SCMH1: variants seen among roughly 807,000 people sequenced by gnomAD.
The protein encoded by SCMH1 is Scm polycomb group protein homolog 1.
SCMH1 carries 37 observed loss-of-function variants against 70.8 expected under a neutral mutation model. That is an observed-to-expected ratio of 0.52 (90% CI 0.40 to 0.69). The LOEUF (loss-of-function observed/expected upper bound fraction) is 0.69. Among genes scored for constraint, SCMH1 ranks in the 30% least tolerant of loss-of-function variants. The pLI, the probability that SCMH1 is intolerant of heterozygous loss-of-function variation, is 0.00. For missense variants in SCMH1, 607 were observed against 827.3 expected (o/e 0.73, Z 3.27); for synonymous variants, 292 against 307.4 (o/e 0.95, Z 0.52).
intron 2 of SCMH1, among the ~76,000 whole-genome samples, chr1:41,163,680 A>G (rs1646224231): frequency 6.6e-6 from 1 of 152,158 alleles, no homozygotes; most frequent in South Asian, 2.1e-4. Flanking sequence ...AGAAGAAAGA[A>G]ATCAACCTTG....
chr1:41,175,699 T>A (rs1647071138), intron 2 of SCMH1, among the ~76,000 whole-genome samples: 1 of 152,168 alleles, frequency 6.6e-6, no homozygotes, highest in Admixed American at 6.5e-5. Context: ...CACCTCTCTA[T>A]CTTATGTGTT....
At chr1:41,208,918 CA>C (rs1323563873) in intron 1 of SCMH1, among the ~76,000 whole-genome samples, 6 of 151,896 alleles carry the variant, frequency 4.0e-5, no homozygotes, top group Non-Finnish European at 8.8e-5. Flanking sequence ...AAAAACCCTT[CA>C]AAAAAATCAA....
chr1:41,111,485 G>A (rs7522684), intron 8 of SCMH1, among the ~76,000 whole-genome samples: 5 of 152,240 alleles, frequency 3.3e-5, no homozygotes, highest in East Asian at 1.9e-4. Context: ...GATTACAGGC[G>A]TGTTACCACC....
chr1:41,152,074 G>A (rs747377217), intron 4 of SCMH1, among the ~76,000 whole-genome samples: 9 of 152,166 alleles, frequency 5.9e-5, no homozygotes, highest in Non-Finnish European at 4.4e-5. Context: ...GTCCCTCACC[G>A]CTGTCAAGTG....
At chr1:41,035,590 A>G (rs1354718648) in intron 13 of SCMH1, among the ~76,000 whole-genome samples, 1 of 152,062 alleles carries the variant, frequency 6.6e-6, no homozygotes, top group Non-Finnish European at 1.5e-5. Context: ...CTCCTCTCTC[A>G]GAGAAAGTGT....
intron 1 of SCMH1, among the ~76,000 whole-genome samples, chr1:41,215,903 A>G (rs1299279509): frequency 6.6e-6 from 1 of 152,204 alleles, no homozygotes; most frequent in Non-Finnish European, 1.5e-5. Flanking sequence ...TATACTCAGA[A>G]AGTACACAAA....
chr1:41,223,931 A>G (rs1380373382), intron 1 of SCMH1, among the ~76,000 whole-genome samples: 1 of 152,148 alleles, frequency 6.6e-6, no homozygotes. Context: ...ACAGAATGAC[A>G]TTTAAACTCC....
rs187731642 is a variant in SCMH1, at chr1:41,163,811, C to T, written c.14-2379G>A. 1.8e-3 allele frequency among the ~76,000 whole-genome samples: 275 copies of T among 152,058 alleles called. 4 individuals are homozygous for T. Among genetic ancestry groups the T allele is most frequent in the Middle Eastern group, 0.014 (4 of 294 alleles). ...GCAGCCCTGGAAACTTAGACAACTG[C>T]GGAAATTATCATTAGAAAAAAACAT... is the stretch of plus-strand genomic sequence containing the variant. On this transcript the variant is annotated intron_variant, in intron 2 of 14. Coordinates refer to ENST00000337495, the Ensembl canonical transcript of SCMH1.
intron 13 of SCMH1, among the ~76,000 whole-genome samples, chr1:41,029,381 G>T (rs1317678759): frequency 1.3e-5 from 2 of 152,162 alleles, no homozygotes; most frequent in African/African-American, 4.8e-5. Flanking sequence ...TGTATTATTA[G>T]TAGAGACGGG....
intron 2 of SCMH1, among the ~76,000 whole-genome samples, chr1:41,177,845 T>C (rs1419315130): frequency 6.6e-6 from 1 of 152,120 alleles, no homozygotes; most frequent in Non-Finnish European, 1.5e-5. Context: ...ACTTCCCCAA[T>C]TAGCAAGGCA....
chr1:41,083,431 C>A (rs916518517), intron 8 of SCMH1, among the ~76,000 whole-genome samples: 4 of 152,100 alleles, frequency 2.6e-5, no homozygotes, highest in African/African-American at 9.7e-5. Context: ...AAGTGAAGGA[C>A]CTCTTCAAGG....
intron 8 of SCMH1, among the ~76,000 whole-genome samples, chr1:41,107,317 A>G (rs946747001): frequency 6.6e-6 from 1 of 151,898 alleles, no homozygotes; most frequent in African/African-American, 2.4e-5. Context: ...ATATGTTCAC[A>G]AAACTGTAAA....
chr1:41,062,530 A>T (rs2148817834), intron 10 of SCMH1, among the ~76,000 whole-genome samples: 1 of 152,124 alleles, frequency 6.6e-6, no homozygotes, highest in East Asian at 1.9e-4. Flanking sequence ...TCATGAGGTC[A>T]GGAATTCGAG....
intron 13 of SCMH1, among the ~76,000 whole-genome samples, chr1:41,036,333 T>C (rs1337426310): frequency 6.6e-6 from 1 of 152,164 alleles, no homozygotes; most frequent in African/African-American, 2.4e-5. Flanking sequence ...GTGGGTTCCC[T>C]CTCTCAGTGG....
chr1:41,213,901 A>C (rs1173008951), intron 1 of SCMH1, among the ~76,000 whole-genome samples: 1 of 150,832 alleles, frequency 6.6e-6, no homozygotes, highest in Non-Finnish European at 1.5e-5. Flanking sequence ...TTTAAAAAAA[A>C]CCTTTAAATT....
At chr1:41,173,302 A>G (rs1238267488) in intron 2 of SCMH1, among the ~76,000 whole-genome samples, 2 of 152,174 alleles carry the variant, frequency 1.3e-5, no homozygotes, top group East Asian at 3.8e-4. Flanking sequence ...AAACATAAAC[A>G]AAATGAGCTG....
At chr1:41,077,657 C>A (rs929622009) in intron 8 of SCMH1, among the ~76,000 whole-genome samples, 1 of 152,100 alleles carries the variant, frequency 6.6e-6, no homozygotes, top group African/African-American at 2.4e-5. Flanking sequence ...AGGTTCCCAA[C>A]CAAGAGCCCA....
chr1:41,075,314 G>A (rs1571837087), exon 9 of SCMH1: 2 of 1,614,042 alleles, frequency 1.2e-6, no homozygotes, highest in South Asian at 1.1e-5. Flanking sequence ...AGGGTCTTGG[G>A]TGTCCGGCCC....
intron 8 of SCMH1, among the ~76,000 whole-genome samples, chr1:41,075,691 GGCA>G (rs1658080712): frequency 6.6e-6 from 1 of 152,096 alleles, no homozygotes; most frequent in Non-Finnish European, 1.5e-5. Context: ...TTCTTCCTAA[GGCA>G]CCTTAGACAA....
Sources: gnomAD v4.1 joint callset for allele counts (sites outside exome capture counted in the v4.1 genomes callset) on GRCh38, gnomAD v4.1.1 for gene constraint, MANE v1.5 for transcripts, NCBI Gene and HGNC (gene_info 2026-07-23, HGNC 2026-07-21) for gene names.